ANO4: variants seen among roughly 807,000 people sequenced by gnomAD.
ANO4 encodes anoctamin-4.
ANO4 carries 69 observed loss-of-function variants against 141.9 expected under a neutral mutation model. The ratio of observed to expected loss-of-function variants is 0.49; its 90% confidence interval spans 0.40 to 0.59. ANO4 has a LOEUF of 0.59. ANO4 is among the 20% of genes least tolerant of loss of function. The pLI is 0.00. For synonymous variants in ANO4, 350 were observed against 394.3 expected (o/e 0.89, Z 1.33); for missense variants, 894 against 1,162.2 (o/e 0.77, Z 3.36).
At chr12:100,799,697 C>T (rs1003962917) in intron 1 of ANO4, among the ~76,000 whole-genome samples, 6 of 152,102 alleles carry the variant, frequency 3.9e-5, no homozygotes, top group African/African-American at 4.8e-5. Flanking sequence ...GCCGAGATTG[C>T]GCCATTGCAC....
At chr12:101,041,153 T>G (rs1194884126) in intron 11 of ANO4, among the ~76,000 whole-genome samples, 1 of 152,188 alleles carries the variant, frequency 6.6e-6, no homozygotes, top group Admixed American at 6.5e-5. Flanking sequence ...TTTCCTAGAC[T>G]AGCTAGATGT....
chr12:100,893,954 G>A (rs1386239184), intron 1 of ANO4, among the ~76,000 whole-genome samples: 1 of 152,170 alleles, frequency 6.6e-6, no homozygotes, highest in African/African-American at 2.4e-5. Context: ...TTGAATTTAA[G>A]TAACGCTGGT....
chr12:101,070,921 CT>C (rs376571954), intron 14 of ANO4, among the ~76,000 whole-genome samples: 3 of 152,076 alleles, frequency 2.0e-5, no homozygotes, highest in African/African-American at 7.2e-5. Flanking sequence ...TGAAAAGGTG[CT>C]AATATCATTG....
At chr12:100,988,801 G>A (rs998575367) in intron 8 of ANO4, among the ~76,000 whole-genome samples, 2 of 147,470 alleles carry the variant, frequency 1.4e-5, no homozygotes, top group Non-Finnish European at 3.0e-5. Context: ...AACCTGGGAG[G>A]CGGAGGTTGC....
intron 2 of ANO4, among the ~76,000 whole-genome samples, chr12:100,921,981 T>A (rs2041652682): frequency 6.6e-6 from 1 of 152,124 alleles, no homozygotes; most frequent in Non-Finnish European, 1.5e-5. Flanking sequence ...TGTGTTTCCT[T>A]ATAAAAAAGT....
chr12:100,959,989 C>T (rs1210022975), intron 5 of ANO4, among the ~76,000 whole-genome samples: 3 of 152,094 alleles, frequency 2.0e-5, no homozygotes, highest in Admixed American at 6.6e-5. Flanking sequence ...CTCTTTGCTG[C>T]GACCAGGGAC....
intron 25 of ANO4, among the ~76,000 whole-genome samples, chr12:101,119,741 G>A (rs1264366937): frequency 1.3e-5 from 2 of 152,112 alleles, no homozygotes; most frequent in African/African-American, 4.8e-5. Context: ...GAAATTCAGG[G>A]TAAGGGAAGC....
chr12:101,078,904 C>A (rs1024150518), intron 14 of ANO4, among the ~76,000 whole-genome samples: 2 of 152,180 alleles, frequency 1.3e-5, no homozygotes, highest in Admixed American at 6.5e-5. Context: ...CCTGACATCC[C>A]AGAATGTAAG....
Position 101,079,196 on chromosome 12 carries a change from CAGTTTTCCTGG to C in ANO4, c.1323_1333del (p.Phe441LeufsTer11). 1 of 1,613,404 alleles carries C rather than the reference CAGTTTTCCTGG, an allele frequency of 6.2e-7. No individual in the cohort carries two copies. The highest frequency in any genetic ancestry group is 8.5e-7 in the Non-Finnish European group (1 of 1,179,434). On this transcript the variant is annotated frameshift_variant, in exon 15 of 28. Coordinates refer to ENST00000392977, the MANE Select transcript of ANO4 (RefSeq NM_001286615.2). LOFTEE classifies it high-confidence loss of function. The stretch of plus-strand genomic sequence containing the variant: ...TGTCTTTCTCTGCTTGTTCCAGCAA[CAGTTTTCCTGG>C]AGTTTTGGAAAAGACGGCGAGCAGT...
intron 2 of ANO4, among the ~76,000 whole-genome samples, chr12:100,917,011 G>A (rs2041374861): frequency 6.6e-6 from 1 of 150,912 alleles, no homozygotes; most frequent in South Asian, 2.1e-4. Flanking sequence ...CTGTAAGCTA[G>A]GTACAGAATG....
intron 3 of ANO4, among the ~76,000 whole-genome samples, chr12:100,761,400 A>G (rs557651839): frequency 6.6e-6 from 1 of 152,192 alleles, no homozygotes; most frequent in South Asian, 2.1e-4. Context: ...AAGAATACAA[A>G]ATGAAATCAG....
intron 1 of ANO4, among the ~76,000 whole-genome samples, chr12:100,878,215 T>A (rs971555210): frequency 2.0e-5 from 3 of 152,166 alleles, no homozygotes; most frequent in African/African-American, 7.2e-5. Flanking sequence ...TAAGAATCTG[T>A]TCAGCATTAA....
chr12:100,826,687 T>C lies in ANO4; in HGVS notation c.-141+31660T>C, dbSNP rs866635752. ...AATTTATTAGTAACATTTCTAGTTA[T>C]TGTAGTTTCTAAGTATGAGATCTCA... is the stretch of plus-strand genomic sequence containing the variant. On this transcript the variant is annotated intron_variant, in intron 1 of 27. Transcript: ENST00000392977. Among the ~76,000 whole-genome samples the C allele has an allele frequency of 3.4e-4, 51 of 152,180 alleles. 1 individual carries two copies. Among genetic ancestry groups the C allele is most frequent in the African/African-American group, 1.2e-3 (48 of 41,576 alleles).
At chr12:100,865,560 C>T (rs912608776) in intron 1 of ANO4, among the ~76,000 whole-genome samples, 3 of 152,162 alleles carry the variant, frequency 2.0e-5, no homozygotes, top group Non-Finnish European at 2.9e-5. Context: ...AAAAAAAGCT[C>T]ATCATCACTG....
At chr12:100,839,691 A>G (rs889805244) in intron 1 of ANO4, among the ~76,000 whole-genome samples, 5 of 150,212 alleles carry the variant, frequency 3.3e-5, no homozygotes, top group Non-Finnish European at 5.9e-5. Context: ...CATTTTAAAG[A>G]TTTTTTTTTT....
At chr12:101,063,955 G>C (rs953515701) in intron 14 of ANO4, among the ~76,000 whole-genome samples, 2 of 150,730 alleles carry the variant, frequency 1.3e-5, no homozygotes, top group African/African-American at 4.9e-5. Context: ...CAGTTCTATT[G>C]ATCTTTTAAA....
intron 3 of ANO4, among the ~76,000 whole-genome samples, chr12:100,935,471 ACT>A (rs991494981): frequency 2.0e-5 from 3 of 152,056 alleles, no homozygotes; most frequent in Non-Finnish European, 4.4e-5. Flanking sequence ...AGAGTATTTG[ACT>A]CTCTTTCTCA....
At chr12:100,724,575 A>G (rs959566224) in intron 1 of ANO4, among the ~76,000 whole-genome samples, 7 of 152,244 alleles carry the variant, frequency 4.6e-5, no homozygotes, top group African/African-American at 7.2e-5. Flanking sequence ...TGATAGTAAC[A>G]AAGAGATCTG....
At chr12:100,765,152 C>T (rs557569439) in intron 3 of ANO4, among the ~76,000 whole-genome samples, 5 of 152,216 alleles carry the variant, frequency 3.3e-5, no homozygotes, top group Non-Finnish European at 7.4e-5. Flanking sequence ...TTCTTCTGTT[C>T]CGAGATTCTA....
Sources: allele counts gnomAD v4.1 joint callset (sites outside exome capture counted in the v4.1 genomes callset), GRCh38; gene constraint gnomAD v4.1.1; transcripts MANE v1.5; gene names NCBI Gene and HGNC (gene_info 2026-07-23, HGNC 2026-07-21).